GTPBP1: variants seen among roughly 807,000 people sequenced by gnomAD.
GTPBP1 encodes the protein GTP-binding protein 1.
GTPBP1 carries 23 observed loss-of-function variants against 62.0 expected under a neutral mutation model. The ratio of observed to expected loss-of-function variants is 0.37; its 90% CI spans 0.27 to 0.53. The LOEUF is 0.53. Ranked by LOEUF, GTPBP1 falls within the 20% of genes least tolerant of loss-of-function variation. The pLI, the probability that GTPBP1 is intolerant of heterozygous loss-of-function variation, is 0.89. For synonymous variants in GTPBP1, 344 were observed against 364.4 expected, an observed-to-expected ratio of 0.94 and a Z score of 0.64; for missense variants, 640 against 917.3, an observed-to-expected ratio of 0.70 and a Z score of 3.90.
chr22:38,741,785 C>T (rs2092859896), downstream of GTPBP1, among the ~76,000 whole-genome samples: 2 of 152,328 alleles, frequency 1.3e-5, no homozygotes, highest in South Asian at 4.1e-4. Flanking sequence ...ACTCGCACAG[C>T]TCACTATGGG....
At chr22:38,734,960 G>A (rs1022758769), downstream of GTPBP1, 9 of 265,542 alleles carry the variant, frequency 3.4e-5, no homozygotes, top group Admixed American at 3.0e-4. Context: ...CCCCTTCCCC[G>A]CAGCCAGACC....
intron 2 of GTPBP1, among the ~76,000 whole-genome samples, chr22:38,715,434 T>A (rs1011917109): frequency 6.6e-6 from 1 of 152,182 alleles, no homozygotes; most frequent in African/African-American, 2.4e-5. Context: ...CCTTCCTCCT[T>A]CTGCAGGCCC....
Position 38,727,544 on chromosome 22 carries a change from C to T in GTPBP1, c.1537+196C>T, listed in dbSNP as rs1403553701. On this transcript the variant is annotated intron_variant, in intron 9 of 11. Coordinates refer to ENST00000216044, the MANE Select transcript of GTPBP1 (RefSeq NM_004286.5). This position sits in a 1 kb window ranked among gnomAD's most constrained non-coding sequence, Gnocchi z 6.5. ...TCCCACAAACACTGAGGGCTGGGCT[C>T]TTGAGACCCAGACCTGTCCTCAGGG... Among the ~76,000 whole-genome samples the T allele has an allele frequency of 6.6e-6, 1 of 152,214 alleles. No homozygotes were observed. The highest frequency in any genetic ancestry group is 1.5e-5 in the Non-Finnish European group (1 of 68,030).
At chr22:38,733,830 T>C (rs1016421052), downstream of GTPBP1, among the ~76,000 whole-genome samples, 2 of 152,192 alleles carry the variant, frequency 1.3e-5, no homozygotes, top group Non-Finnish European at 2.9e-5. Flanking sequence ...GGCTGTGCTG[T>C]GAGGGCCCAG....
chr22:38,714,478 C>CAA (rs34257833), intron 2 of GTPBP1, among the ~76,000 whole-genome samples: 48 of 46,100 alleles, frequency 1.0e-3, no homozygotes, highest in South Asian at 1.5e-3. Context: ...GACTCCATCT[C>CAA]AAAAAAAAAA....
intron 11 of GTPBP1, among the ~76,000 whole-genome samples, chr22:38,729,944 C>A (rs2092748092): frequency 1.3e-5 from 2 of 152,222 alleles, no homozygotes; most frequent in African/African-American, 4.8e-5. Context: ...CGAAGCTTCC[C>A]TTTCATAGTA....
In GTPBP1 at chr22:38,730,358, C is replaced by T. The variant is rs1052157497; in HGVS notation, c.1918-254C>T. 2.6e-5 allele frequency among the ~76,000 whole-genome samples: 4 copies of T among 152,188 alleles called. No individual in the cohort carries two copies. The highest frequency in any genetic ancestry group is 5.9e-5 in the Non-Finnish European group (4 of 68,032). On this transcript the variant is annotated intron_variant, in intron 11 of 11. Coordinates refer to ENST00000216044, the MANE Select transcript of GTPBP1 (RefSeq NM_004286.5). This position sits in a 1 kb window ranked among gnomAD's most constrained non-coding sequence, Gnocchi z 5.6. ...TCTGCTTTGTGCTTCTCTGAACGGC[C>T]GCTTCTCACACCCTCATCATGTGTG...
At chr22:38,739,127 G>T, downstream of GTPBP1, 1 of 970,564 alleles carries the variant, frequency 1.0e-6, no homozygotes, top group Non-Finnish European at 1.6e-6. The surrounding 1 kb of genome is among the most constrained non-coding windows in gnomAD (Gnocchi z 6.7). Context: ...GCTCAGAGCA[G>T]CTTTAAAGGT....
downstream of GTPBP1, chr22:38,738,488 C>G: frequency 6.7e-7 from 1 of 1,486,080 alleles, no homozygotes; most frequent in Non-Finnish European, 9.2e-7. The surrounding 1 kb of genome is among the most constrained non-coding windows in gnomAD (Gnocchi z 6.6). Flanking sequence ...CCACTCCCCT[C>G]CCTTCCAGTC....
At chr22:38,707,444 GT>G (rs1475566504) in intron 1 of GTPBP1, among the ~76,000 whole-genome samples, 1 of 152,230 alleles carries the variant, frequency 6.6e-6, no homozygotes, top group Admixed American at 6.5e-5. Context: ...CAGCTAGCCT[GT>G]CAAAGTTGGT....
chr22:38,721,012 C>T (rs1212528754), intron 4 of GTPBP1, among the ~76,000 whole-genome samples: 2 of 152,162 alleles, frequency 1.3e-5, no homozygotes, highest in African/African-American at 2.4e-5. Context: ...CTCAAGTGAT[C>T]CTCCCACCTC....
chr22:38,738,980 C>T (rs371141749), downstream of GTPBP1: 31 of 1,610,324 alleles, frequency 1.9e-5, no homozygotes, highest in Middle Eastern at 1.7e-4. The surrounding 1 kb of genome is among the most constrained non-coding windows in gnomAD (Gnocchi z 6.6). Context: ...GTGCTGATGA[C>T]GCTGGCCCCT....
chr22:38,724,574 C>T (rs1000963457), intron 6 of GTPBP1, among the ~76,000 whole-genome samples, 163 bp downstream of exon 6: 5 of 152,144 alleles, frequency 3.3e-5, no homozygotes, highest in Admixed American at 1.3e-4. Flanking sequence ...AGCTTCCAAT[C>T]TTAGCGCAGG....
Position 38,726,397 on chromosome 22 carries a change from A to G in GTPBP1, c.1358A>G (p.Lys453Arg). 5.0e-6 allele frequency: 8 copies of G among 1,614,016 alleles called. No individual in the cohort carries two copies. Among genetic ancestry groups the G allele is most frequent in the African/African-American group, 1.3e-5 (1 of 75,022 alleles). The change falls in exon 8 of 12, where the codon AAG (lysine) becomes AGG (arginine). Residue 453 changes from lysine (K) to arginine (R), a missense_variant. Transcript: ENST00000216044. This position sits in a 1 kb window ranked among gnomAD's most constrained non-coding sequence, Gnocchi z 4.1. ...ATCCATCGCAAGCGCATGCCTGTCAAGGAGGTGCGGGGTGGCCAGACAGCA... is the reference window on the plus strand; with the variant it reads ...ATCCATCGCAAGCGCATGCCTGTCAGGGAGGTGCGGGGTGGCCAGACAGCA... The part of the protein sequence containing the change: ...KSIHRKRMPV[K>R]EVRGGQTASF...
In GTPBP1 at chr22:38,727,231, C is replaced by T; in HGVS notation, c.1420C>T (p.Arg474Trp). The T allele has an allele frequency of 1.9e-6, 3 of 1,592,988 alleles. No individual in the cohort carries two copies. Among genetic ancestry groups the T allele is most frequent in the Non-Finnish European group, 2.6e-6 (3 of 1,169,924 alleles). The change falls in exon 9 of 12, where the codon CGG (arginine) becomes TGG (tryptophan). Residue 474 changes from arginine to tryptophan, a missense_variant. Arg to Trp is a moderately radical substitution (Grantham distance 101). Transcript: ENST00000216044. The surrounding 1 kb of genome is among the most constrained non-coding windows in gnomAD (Gnocchi z 6.5). ...ALKKIKRSSI[R>W]KGMVMVSPRL... ...CTTTCAGATCAAGCGCTCGTCCATC[C>T]GGAAGGGCATGGTGATGGTTTCCCC...
downstream of GTPBP1, chr22:38,738,582 C>A: frequency 6.2e-7 from 1 of 1,611,692 alleles, no homozygotes. The surrounding 1 kb of genome is among the most constrained non-coding windows in gnomAD (Gnocchi z 6.6). Context: ...AGGACAGATA[C>A]TCACAAAGAT....
chr22:38,739,028 G>T, downstream of GTPBP1: 2 of 1,567,848 alleles, frequency 1.3e-6, no homozygotes, highest in Non-Finnish European at 1.7e-6. This position sits in a 1 kb window ranked among gnomAD's most constrained non-coding sequence, Gnocchi z 6.7. Flanking sequence ...TCCCGCACGG[G>T]AGGAGGGCCC....
chr22:38,733,836 C>T (rs964842849), downstream of GTPBP1, among the ~76,000 whole-genome samples: 1 of 152,212 alleles, frequency 6.6e-6, no homozygotes, highest in Non-Finnish European at 1.5e-5. Flanking sequence ...GCTGTGAGGG[C>T]CCAGTAGGAT....
chr22:38,713,987 C>G (rs2092654487), intron 2 of GTPBP1, among the ~76,000 whole-genome samples: 1 of 152,054 alleles, frequency 6.6e-6, no homozygotes, highest in Non-Finnish European at 1.5e-5. Flanking sequence ...GGAAACAGAA[C>G]AGGGCCACTG....
Sources: allele counts gnomAD v4.1 joint callset (sites outside exome capture counted in the v4.1 genomes callset), GRCh38; gene constraint gnomAD v4.1.1; non-coding constraint Gnocchi (gnomAD v3.1); transcripts MANE v1.5; gene names NCBI Gene and HGNC (gene_info 2026-07-23, HGNC 2026-07-21).